Variants in STK38 observed in about 807,000 individuals in gnomAD.
STK38 encodes serine/threonine-protein kinase 38.
Under a neutral mutation model 59.0 loss-of-function variants are expected in STK38, and 26 were observed. That is an observed-to-expected ratio of 0.44 (90% CI 0.32 to 0.61). The LOEUF (loss-of-function observed/expected upper bound fraction) is 0.61. Ranked by LOEUF, STK38 falls within the 20% of genes least tolerant of loss-of-function variation. The pLI, the probability that STK38 is intolerant of heterozygous loss-of-function variation, is 0.04. For synonymous variants in STK38, 175 were observed against 176.6 expected (o/e 0.99, Z 0.07); for missense variants, 433 against 566.0 (o/e 0.76, Z 2.38).
At chr6:36,541,672 G>A (rs570253182) in intron 1 of STK38, among the ~76,000 whole-genome samples, 2 of 152,188 alleles carry the variant, frequency 1.3e-5, no homozygotes, top group Admixed American at 6.6e-5. Context: ...ACATTACAAA[G>A]CAGAATGTAT....
intron 1 of STK38, 71 bp from the exon 2 acceptor site, chr6:36,540,278 A>G (rs182536476): frequency 1.6e-4 from 226 of 1,438,216 alleles, no homozygotes; most frequent in Non-Finnish European, 2.0e-4. Context: ...CTCCTACCCT[A>G]TTGGTAGGAA....
Position 36,495,833 on chromosome 6 carries a change from C to A in STK38, c.1349G>T (p.Gly450Val). ...AGGTATTGCCCCCCTTGCAGTCAGG[C>A]CCTCAAAGCGCTTGTACGTGTAATT... is the stretch of plus-strand genomic sequence containing the variant. ...FINYTYKRFE[G>V]LTARGAIPSY... The change falls in exon 14 of 14, where the codon GGC becomes GTC. Residue 450 changes from glycine to valine, a missense_variant. By Grantham distance (109) the Gly-to-Val change is moderately radical. Transcript: ENST00000229812. 2 of 1,614,030 alleles carry A rather than the reference C, an allele frequency of 1.2e-6. No homozygotes were observed. The highest frequency in any genetic ancestry group is 2.2e-5 in the South Asian group (2 of 91,074).
Position 36,496,810 on chromosome 6 carries a change from C to T in STK38, c.1173-5G>A. 1 of 1,601,620 alleles carries T rather than the reference C, an allele frequency of 6.2e-7. No individual in the cohort carries two copies. Among genetic ancestry groups the T allele is most frequent in the Non-Finnish European group, 8.5e-7 (1 of 1,171,006 alleles). ...GATATTGCAGCAGGTCTCTCTCTGC[C>T]AAGAATACACATGCCAAAAATTACT... On this transcript the variant is annotated splice_polypyrimidine_tract_variant and splice_region_variant and intron_variant, in intron 12 of 13. Coordinates refer to ENST00000229812, the MANE Select transcript of STK38 (RefSeq NM_007271.4).
intron 1 of STK38, among the ~76,000 whole-genome samples, chr6:36,543,123 GGC>G (rs1582472292): frequency 6.6e-6 from 1 of 150,836 alleles, no homozygotes; most frequent in East Asian, 2.0e-4. Context: ...GGAGTGCAGT[GGC>G]GCGATCTCGG....
intron 2 of STK38, among the ~76,000 whole-genome samples, chr6:36,530,820 G>C (rs1429315851): frequency 6.6e-6 from 1 of 151,652 alleles, no homozygotes; most frequent in Non-Finnish European, 1.5e-5. Flanking sequence ...CTCCCGAGTA[G>C]CTGGGATTAC....
rs1046003165 is a variant in STK38 at position 36,502,143 on chromosome 6, C to CT, written c.835-2154dup. Among the ~76,000 whole-genome samples, 13 of 151,124 alleles carry CT rather than the reference C, an allele frequency of 8.6e-5. No homozygotes were observed. The East Asian group carries it at 1.4e-3, about 16-fold the overall frequency. ...ATCTGATGAATATGAAATGGGATCT[C>CT]TTTTTTTTTCTTTTTAAGAGATGGG... On this transcript the variant is annotated intron_variant, in intron 9 of 13. Transcript: ENST00000229812.
At chr6:36,514,425 A>G (rs1777196476) in intron 7 of STK38, among the ~76,000 whole-genome samples, 1 of 152,190 alleles carries the variant, frequency 6.6e-6, no homozygotes, top group East Asian at 1.9e-4. Context: ...ACCTTACAAG[A>G]AAAATTCAGT....
chr6:36,499,098 A>AT (rs1776775967), intron 10 of STK38, among the ~76,000 whole-genome samples: 2 of 152,248 alleles, frequency 1.3e-5, no homozygotes, highest in Non-Finnish European at 2.9e-5. Flanking sequence ...GGACATAAAT[A>AT]GAGTTGCAGG....
At chr6:36,524,773 C>A (rs80032245) in intron 3 of STK38, among the ~76,000 whole-genome samples, 17,625 of 152,176 alleles carry the variant, frequency 0.12, 1,200 homozygotes, top group Admixed American at 0.22. Flanking sequence ...ACAATATTTT[C>A]CTTTATCCTG....
In STK38 at chr6:36,495,441, G is replaced by A. The variant is rs550334857; in HGVS notation, c.*343C>T. Reference sequence around the variant, plus strand: ...TGGCTGATATTCGATGACTATACACGACAATCTCAATAATGTTGGATGATG... The same window carrying A: ...TGGCTGATATTCGATGACTATACACAACAATCTCAATAATGTTGGATGATG... On this transcript the variant is annotated 3_prime_UTR_variant, in exon 14 of 14. Transcript: ENST00000229812. The A allele has an allele frequency of 1.8e-3, 437 of 248,918 alleles. 9 individuals carry two copies. Among genetic ancestry groups the A allele is most frequent in the South Asian group, 0.011 (217 of 19,218 alleles). 15.4% of individuals were successfully genotyped at this position (248,918 alleles called of 1,614,324 possible). A position where few individuals can be genotyped will look rare whatever the true frequency, so the allele number is the denominator to read the frequency against.
chr6:36,496,468 A>G (rs1471119599), intron 13 of STK38, among the ~76,000 whole-genome samples: 1 of 152,206 alleles, frequency 6.6e-6, no homozygotes, highest in Non-Finnish European at 1.5e-5. Context: ...GTAAATAACA[A>G]AAGAACAGAT....
intron 7 of STK38, among the ~76,000 whole-genome samples, chr6:36,514,915 C>G (rs1362570842): frequency 6.6e-6 from 1 of 151,202 alleles, no homozygotes; most frequent in African/African-American, 2.4e-5. Flanking sequence ...GATTTGGAAC[C>G]TGGACTTTGT....
intron 9 of STK38, among the ~76,000 whole-genome samples, chr6:36,502,190 T>C (rs553226766): frequency 6.6e-6 from 1 of 152,258 alleles, no homozygotes; most frequent in African/African-American, 2.4e-5. Flanking sequence ...TCACCCGGGC[T>C]GGAGTGCAGT....
intron 1 of STK38, among the ~76,000 whole-genome samples, chr6:36,546,696 A>G (rs1390442224): frequency 6.6e-6 from 1 of 152,146 alleles, no homozygotes; most frequent in Non-Finnish European, 1.5e-5. Flanking sequence ...TGTGATTTGA[A>G]GCTTATCTGA....
intron 2 of STK38, among the ~76,000 whole-genome samples, chr6:36,530,108 G>A (rs1777630198): frequency 6.6e-6 from 1 of 151,988 alleles, no homozygotes; most frequent in Admixed American, 6.6e-5. Flanking sequence ...GGGCGTGGTG[G>A]CACGTGCCTG....
intron 7 of STK38, among the ~76,000 whole-genome samples, chr6:36,514,154 CAAA>C (rs762095229): frequency 6.3e-5 from 5 of 78,932 alleles, no homozygotes; most frequent in African/African-American, 1.4e-4. Context: ...GACTCCGTCT[CAAA>C]AAAAAAAAAA....
At chr6:36,544,028 C>T (rs1204952618) in intron 1 of STK38, among the ~76,000 whole-genome samples, 1 of 152,162 alleles carries the variant, frequency 6.6e-6, no homozygotes, top group Non-Finnish European at 1.5e-5. Context: ...GTGGATTAAA[C>T]TAAGGCTTAT....
rs148467028 is a variant in STK38 at position 36,525,427 on chromosome 6, T to C, written c.183+164A>G. Among the ~76,000 whole-genome samples, 713 of 152,284 alleles carry C rather than the reference T, an allele frequency of 4.7e-3. 2 individuals carry two copies. Among genetic ancestry groups the C allele is most frequent in the Non-Finnish European group, 7.5e-3 (508 of 68,030 alleles). On this transcript the variant is annotated intron_variant, in intron 3 of 13. Coordinates refer to ENST00000229812, the MANE Select transcript of STK38 (RefSeq NM_007271.4). ...CCTCTCCTAGGTACTTAATAATTAA[T>C]CTGTCCCTCTGAATTAACACCCAAA...
chr6:36,535,008 C>T (rs1240087001), intron 2 of STK38, among the ~76,000 whole-genome samples: 2 of 152,014 alleles, frequency 1.3e-5, no homozygotes, highest in African/African-American at 4.8e-5. Flanking sequence ...AGTTATATGT[C>T]TATATATTAG....
Sources: gnomAD v4.1 joint callset for allele counts (sites outside exome capture counted in the v4.1 genomes callset) on GRCh38, gnomAD v4.1.1 for gene constraint, MANE v1.5 for transcripts, NCBI Gene and HGNC (gene_info 2026-07-23, HGNC 2026-07-21) for gene names.